The following MYO3A variants were observed in gnomAD, a reference collection of about 807,000 sequenced individuals.
The protein encoded by MYO3A is myosin IIIA.
In MYO3A, 180 loss-of-function variants were observed where a neutral mutation model predicts 192.7. That is an observed-to-expected ratio of 0.93 (90% CI 0.83 to 1.06). The LOEUF (loss-of-function observed/expected upper bound fraction) is 1.06, where lower values mean the gene tolerates loss of function less well. Ranked by LOEUF, MYO3A falls within the 50% of genes least tolerant of loss-of-function variation. The probability of loss-of-function intolerance (pLI) is 0.00; values close to 1 mark genes in which losing one functional copy is unlikely to be tolerated. For synonymous variants in MYO3A, 628 were observed against 645.3 expected, an observed-to-expected ratio of 0.97 and a Z score of 0.41; for missense variants, 1,896 against 1,905.0, an observed-to-expected ratio of 1.00 and a Z score of 0.09.
intron 10 of MYO3A, among the ~76,000 whole-genome samples, chr10:26,028,496 A>G (rs558262133): frequency 1.1e-3 from 175 of 152,350 alleles, no homozygotes; most frequent in African/African-American, 4.0e-3. Context: ...TGGGTCATCC[A>G]TGCCCATCTT....
chr10:25,979,959 G>A (rs1339537575), intron 4 of MYO3A, among the ~76,000 whole-genome samples: 6 of 152,058 alleles, frequency 3.9e-5, no homozygotes, highest in Non-Finnish European at 7.4e-5. Flanking sequence ...AGGAAAGGCC[G>A]GGCGCAATGG....
chr10:25,940,572 C>G (rs887417786), intron 2 of MYO3A, among the ~76,000 whole-genome samples: 4 of 151,968 alleles, frequency 2.6e-5, no homozygotes, highest in African/African-American at 4.8e-5. Context: ...ACCTTTCTTG[C>G]GGGATCATTG....
intron 34 of MYO3A, among the ~76,000 whole-genome samples, chr10:26,209,020 CT>C (rs1400800561): frequency 6.6e-6 from 1 of 152,162 alleles, no homozygotes; most frequent in East Asian, 1.9e-4. Context: ...CCTTATGCCA[CT>C]TTCCCTGTCC....
At chr10:26,055,851 C>T (rs1844283678) in intron 10 of MYO3A, among the ~76,000 whole-genome samples, 1 of 152,166 alleles carries the variant, frequency 6.6e-6, no homozygotes, top group Admixed American at 6.5e-5. Flanking sequence ...CTATAGAATG[C>T]TTCCACTCCC....
rs757660866 is a variant in MYO3A at position 26,193,270 on chromosome 10, TTAAA to T, written c.4508_4511del (p.Asn1503ThrfsTer31). The T allele has an allele frequency of 9.3e-6, 15 of 1,613,756 alleles. No homozygotes were observed. The African/African-American group carries it at 1.7e-4, about 19-fold the overall frequency. Reference sequence around the variant, plus strand: ...AAGACGACCCCGGAAACCCAAAACATTAAATAACCCTGAAGACTCCACATACTAT... The same window carrying T: ...AAGACGACCCCGGAAACCCAAAACATTAACCCTGAAGACTCCACATACTAT... On this transcript the variant is annotated frameshift_variant, in exon 32 of 35. Transcript: ENST00000642920. LOFTEE classifies it high-confidence loss of function.
chr10:26,203,489 T>G (rs1843771767), intron 34 of MYO3A, among the ~76,000 whole-genome samples: 1 of 152,222 alleles, frequency 6.6e-6, no homozygotes, highest in Admixed American at 6.5e-5. Context: ...GGTTTCTTAA[T>G]TATGCTTGTT....
At chr10:26,044,457 C>T (rs771131796) in intron 10 of MYO3A, among the ~76,000 whole-genome samples, 5 of 152,202 alleles carry the variant, frequency 3.3e-5, no homozygotes, top group African/African-American at 9.6e-5. Context: ...ATTCTGACCA[C>T]GGGGATGGGC....
chr10:25,935,517 A>G (rs1167519763), intron 1 of MYO3A, among the ~76,000 whole-genome samples: 1 of 152,212 alleles, frequency 6.6e-6, no homozygotes, highest in Admixed American at 6.5e-5. Context: ...CATTTTTATA[A>G]TTCAGACGGA....
intron 34 of MYO3A, among the ~76,000 whole-genome samples, chr10:26,205,608 CTTTTTTTT>C (rs576007724): frequency 6.7e-3 from 458 of 68,638 alleles, no homozygotes; most frequent in African/African-American, 0.028. Flanking sequence ...CTTTTCTTTT[CTTTTTTTT>C]TTTTTTTTTT....
chr10:26,132,844 G>C (rs192340544), intron 20 of MYO3A, among the ~76,000 whole-genome samples: 1 of 152,200 alleles, frequency 6.6e-6, no homozygotes, highest in East Asian at 1.9e-4. Flanking sequence ...TATGGCTCTA[G>C]CTTCTCTTGC....
intron 10 of MYO3A, among the ~76,000 whole-genome samples, chr10:26,059,640 A>C (rs1834335405): frequency 6.6e-6 from 1 of 152,112 alleles, no homozygotes; most frequent in Non-Finnish European, 1.5e-5. Context: ...CCTCCTTGCT[A>C]TTTCCACTTT....
At chr10:26,006,355 G>T (rs1460464902) in intron 6 of MYO3A, among the ~76,000 whole-genome samples, 2 of 152,124 alleles carry the variant, frequency 1.3e-5, no homozygotes, top group Non-Finnish European at 2.9e-5. Context: ...TCAAAAGCTA[G>T]CAGAAGGCAA....
At chr10:26,157,562 A>G in intron 26 of MYO3A, 47 bp downstream of exon 26, 2 of 1,570,900 alleles carry the variant, frequency 1.3e-6, no homozygotes, top group Non-Finnish European at 1.8e-6. Context: ...TTATATAAAA[A>G]TCATTCAGAA....
intron 17 of MYO3A, among the ~76,000 whole-genome samples, chr10:26,104,090 GCC>G (rs1837639700): frequency 6.7e-6 from 1 of 148,966 alleles, no homozygotes. Flanking sequence ...AGGTATACTA[GCC>G]CCTTATCAGA....
intron 10 of MYO3A, among the ~76,000 whole-genome samples, chr10:26,032,577 T>C (rs540229236): frequency 2.4e-4 from 37 of 151,586 alleles, no homozygotes; most frequent in African/African-American, 7.5e-4. Flanking sequence ...GATCATGCCA[T>C]TGCACTCCAG....
chr10:26,081,152 G>GA (rs1835928224), intron 14 of MYO3A, among the ~76,000 whole-genome samples: 2 of 30,716 alleles, frequency 6.5e-5, no homozygotes, highest in African/African-American at 1.0e-4. Context: ...CCCCGCCCCC[G>GA]CTACCAGGGT....
chr10:26,048,625 G>A (rs574539254), intron 10 of MYO3A, among the ~76,000 whole-genome samples: 14 of 152,130 alleles, frequency 9.2e-5, no homozygotes, highest in Admixed American at 3.3e-4. Context: ...CTAAAGTATA[G>A]ATGTTGTTCC....
chr10:26,128,739 GT>G (rs1477889079), intron 20 of MYO3A, among the ~76,000 whole-genome samples: 2 of 152,172 alleles, frequency 1.3e-5, no homozygotes, highest in African/African-American at 4.8e-5. Context: ...GATATGTGAT[GT>G]TAAATGTCCT....
intron 26 of MYO3A, among the ~76,000 whole-genome samples, chr10:26,157,857 A>G (rs1330569876): frequency 6.6e-6 from 1 of 152,170 alleles, no homozygotes; most frequent in Non-Finnish European, 1.5e-5. Context: ...TGCCCCTCAA[A>G]AGACACTTGG....
Sources: allele counts gnomAD v4.1 joint callset (sites outside exome capture counted in the v4.1 genomes callset), GRCh38; gene constraint gnomAD v4.1.1; transcripts MANE v1.5; gene names NCBI Gene and HGNC (gene_info 2026-07-23, HGNC 2026-07-21).